Variants in ZFHX3 observed in about 807,000 individuals in gnomAD.
ZFHX3 encodes zinc finger homeobox 3.
A neutral mutation model predicts 279.1 loss-of-function variants in ZFHX3; 42 were observed. The observed-to-expected ratio is 0.15, with a 90% confidence interval of 0.12 to 0.19. The LOEUF (loss-of-function observed/expected upper bound fraction) is 0.19, where lower values mean the gene tolerates loss of function less well. Among genes scored for constraint, ZFHX3 ranks in the 10% least tolerant of loss-of-function variants. ZFHX3 has a pLI of 1.00. For synonymous variants in ZFHX3, 2,293 were observed against 1,957.8 expected, an observed-to-expected ratio of 1.17 and a Z score of -4.52; for missense variants, 4,981 against 4,754.0, an observed-to-expected ratio of 1.05 and a Z score of -1.40.
intron 2 of ZFHX3, among the ~76,000 whole-genome samples, chr16:73,461,172 C>T (rs7186456): frequency 0.013 from 1,908 of 152,266 alleles, 35 homozygotes; most frequent in African/African-American, 0.044. Flanking sequence ...GAACATTTTT[C>T]CATGTGCTCA....
intron 4 of ZFHX3, among the ~76,000 whole-genome samples, chr16:73,292,331 G>C (rs957824169): frequency 7.9e-5 from 12 of 152,112 alleles, no homozygotes; most frequent in Admixed American, 7.9e-4. Context: ...TCTCAGGCCT[G>C]AAGTAAAGGC....
intron 2 of ZFHX3, among the ~76,000 whole-genome samples, chr16:73,509,372 C>G (rs1477862187): frequency 6.6e-6 from 1 of 151,908 alleles, no homozygotes; most frequent in East Asian, 1.9e-4. Context: ...CCTAAACAAT[C>G]CATCAGCCAG....
rs145311621 is a variant in ZFHX3, at chr16:72,788,127, T to C, written c.10149A>G (p.Leu3383=). 1,233 of 1,596,556 alleles carry C rather than the reference T, an allele frequency of 7.7e-4. 8 individuals are homozygous for C. The African/African-American group carries it at 0.015, about 19-fold the overall frequency. The change falls in exon 10 of 10, where the codon CTA becomes CTG. Residue 3383 remains leucine, a synonymous_variant. Coordinates refer to ENST00000268489, the MANE Select transcript of ZFHX3 (RefSeq NM_006885.4). ...GCACTTTTTGCTGCTGCTGCTGCTG[T>C]AGTTGCCGCTGCTGCTGCTGCTGAA... ...EAIQQQQQRQ[L]QQQQQQKVQQ... is the part of the protein sequence containing the mutation.
At chr16:73,658,518 G>A (rs147656764) in intron 2 of ZFHX3, among the ~76,000 whole-genome samples, 48 of 152,124 alleles carry the variant, frequency 3.2e-4, no homozygotes, top group Admixed American at 4.6e-4. Context: ...GGCTAGGCTC[G>A]TCTCAAACTC....
intron 5 of ZFHX3, among the ~76,000 whole-genome samples, chr16:73,150,636 T>G (rs1045368559): frequency 1.4e-4 from 21 of 152,282 alleles, no homozygotes; most frequent in Admixed American, 5.9e-4. Flanking sequence ...TTTACACGTC[T>G]TCATCTATAT....
intron 7 of ZFHX3, among the ~76,000 whole-genome samples, chr16:73,130,223 C>T (rs147008618): frequency 1.3e-5 from 2 of 151,456 alleles, no homozygotes; most frequent in East Asian, 1.9e-4. Context: ...ACCTAACCCA[C>T]GTAATTAAAG....
At chr16:72,896,937 C>T (rs1441196605) in intron 3 of ZFHX3, among the ~76,000 whole-genome samples, 2 of 152,242 alleles carry the variant, frequency 1.3e-5, no homozygotes, top group African/African-American at 4.8e-5. Flanking sequence ...TACAGACACA[C>T]CCGTGGCCGC....
At chr16:73,870,428 G>A (rs1267278562) in intron 1 of ZFHX3, among the ~76,000 whole-genome samples, 1 of 152,200 alleles carries the variant, frequency 6.6e-6, no homozygotes, top group Non-Finnish European at 1.5e-5. Context: ...GACTCAAGGA[G>A]AGAGAAACCA....
intron 3 of ZFHX3, among the ~76,000 whole-genome samples, chr16:73,337,897 G>C (rs1174460692): frequency 7.1e-6 from 1 of 140,744 alleles, no homozygotes; most frequent in East Asian, 2.4e-4. Flanking sequence ...CTTGGCGGGG[G>C]GGGGGGTCCT....
At chr16:73,426,152 C>T (rs2017806814) in intron 3 of ZFHX3, among the ~76,000 whole-genome samples, 1 of 152,136 alleles carries the variant, frequency 6.6e-6, no homozygotes, top group South Asian at 2.1e-4. Flanking sequence ...GTTGTGATGG[C>T]CAGAGCTCAC....
intron 7 of ZFHX3, chr16:73,093,661 G>A (rs944952013): frequency 1.1e-5 from 5 of 449,308 alleles, no homozygotes; most frequent in African/African-American, 4.0e-5. Context: ...AATACAGTTC[G>A]CCATTACAGC....
rs1460471877 is a variant in ZFHX3, at chr16:72,788,597, G to C, written c.9679C>G (p.Gln3227Glu). 6.2e-7 allele frequency: 1 copy of C among 1,613,528 alleles called. No individual in the cohort carries two copies. Among genetic ancestry groups the C allele is most frequent in the Non-Finnish European group, 8.5e-7 (1 of 1,179,894 alleles). ...QPPPTPQLPL[Q>E]QQQQRKDKDS... ...TTGTCCTTGCGTTGCTGCTGCTGTT[G>C]CAGTGGGAGCTGTGGTGTGGGTGGC... The change falls in exon 10 of 10, where the codon CAA (glutamine) becomes GAA (glutamate). Residue 3227 changes from glutamine (Q) to glutamate (E), a missense_variant. Gln to Glu is a conservative substitution (Grantham distance 29). Coordinates refer to ENST00000268489, the MANE Select transcript of ZFHX3 (RefSeq NM_006885.4).
chr16:73,605,807 A>G (rs1214443751), intron 2 of ZFHX3, among the ~76,000 whole-genome samples: 1 of 152,148 alleles, frequency 6.6e-6, no homozygotes, highest in Admixed American at 6.6e-5. Flanking sequence ...AGTGAAAGCT[A>G]TCATATGGGT....
rs1018598384 is a variant in ZFHX3, at chr16:73,095,271, G to A, written c.-896-1673C>T. On this transcript the variant is annotated intron_variant, in intron 7 of 17. Coordinates refer to the ZFHX3 transcript ENST00000641206. ...TATACTGGATGAAAAGAAAATAAAA[G>A]ACATCCCACACCCATCTTGCCTCTC... Among the ~76,000 whole-genome samples the A allele has an allele frequency of 2.7e-4, 41 of 151,974 alleles. 1 individual carries two copies. Among genetic ancestry groups the A allele is most frequent in the African/African-American group, 9.4e-4 (39 of 41,382 alleles).
At position 73,011,597 on chromosome 16, in the gene ZFHX3, T is replaced by C. The variant is rs180685385; in HGVS notation, c.-50+36155A>G. Among the ~76,000 whole-genome samples the C allele has an allele frequency of 4.6e-5, 7 of 152,074 alleles. No individual in the cohort carries two copies. In the East Asian group the frequency reaches 7.8e-4, roughly 17 times the overall value. ...CTCTACTAAAAATACAAAAATTAGCTGGGCTTGGTGGCGCTACTCAGGAGG... is the reference window on the plus strand; with the variant it reads ...CTCTACTAAAAATACAAAAATTAGCCGGGCTTGGTGGCGCTACTCAGGAGG... On this transcript the variant is annotated intron_variant, in intron 1 of 9. Transcript: ENST00000268489.
intron 2 of ZFHX3, among the ~76,000 whole-genome samples, chr16:73,582,936 CA>C (rs1372959908): frequency 6.6e-6 from 1 of 152,180 alleles, no homozygotes; most frequent in Non-Finnish European, 1.5e-5. Flanking sequence ...AAGCTCTGGT[CA>C]TTGTTGTACT....
chr16:73,019,363 T>TGC (rs1468414833), intron 1 of ZFHX3, among the ~76,000 whole-genome samples: 1 of 151,734 alleles, frequency 6.6e-6, no homozygotes, highest in South Asian at 2.1e-4. Flanking sequence ...TGTGTGTGTG[T>TGC]GTGTGCGTGT....
In ZFHX3 at chr16:72,782,904, T is replaced by TTAATG. The variant is rs2035183160; in HGVS notation, c.*4255_*4259dup. The TTAATG allele has an allele frequency of 1.3e-5, 2 of 152,584 alleles. No individual in the cohort carries two copies. The highest frequency in any genetic ancestry group is 4.8e-5 in the African/African-American group (2 of 41,446). 9.5% of individuals were successfully genotyped at this position (152,584 alleles called of 1,614,324 possible). ...AGGAGCTTTTGCTCATATTTTTTTTTTAATGTATCACAATGAGCAGGAAAC... is the reference window on the plus strand; with the variant it reads ...AGGAGCTTTTGCTCATATTTTTTTTTTAATGTAATGTATCACAATGAGCAGGAAAC... On this transcript the variant is annotated 3_prime_UTR_variant, in exon 10 of 10. Transcript: ENST00000268489.
chr16:72,877,869 G>T (rs1205783825), intron 4 of ZFHX3, among the ~76,000 whole-genome samples: 12 of 152,186 alleles, frequency 7.9e-5, no homozygotes, highest in Non-Finnish European at 1.6e-4. Context: ...CTTAACTGGG[G>T]GCCACGGGTT....
Sources: allele counts gnomAD v4.1 joint callset (sites outside exome capture counted in the v4.1 genomes callset), GRCh38; gene constraint gnomAD v4.1.1; transcripts MANE v1.5; gene names NCBI Gene and HGNC (gene_info 2026-07-23, HGNC 2026-07-21).